Variants in CORO2A observed in about 807,000 individuals in gnomAD.
CORO2A encodes coronin-2A.
In CORO2A, 47 loss-of-function variants were observed where a neutral mutation model predicts 62.4. That is an observed-to-expected ratio of 0.75 (90% CI 0.60 to 0.96). The LOEUF is 0.96. CORO2A is among the 40% of genes least tolerant of loss of function. CORO2A has a pLI of 0.00. For missense variants in CORO2A, 610 were observed against 684.1 expected (o/e 0.89, Z 1.21); for synonymous variants, 273 against 268.9 (o/e 1.02, Z -0.15).
chr9:98,153,154 C>T (rs910057848), intron 2 of CORO2A, among the ~76,000 whole-genome samples: 1 of 152,180 alleles, frequency 6.6e-6, no homozygotes, highest in African/African-American at 2.4e-5. Flanking sequence ...GGCTGGAGTG[C>T]AGTGGCACGA....
intron 2 of CORO2A, among the ~76,000 whole-genome samples, chr9:98,141,902 A>G (rs1185430551): frequency 6.6e-6 from 1 of 152,094 alleles, no homozygotes; most frequent in African/African-American, 2.4e-5. Context: ...AGCTACTATT[A>G]TATGTATATG....
intron 10 of CORO2A, 200 bp from the exon 11 acceptor site, chr9:98,127,023 C>T (rs945624777): frequency 1.6e-6 from 1 of 619,646 alleles, no homozygotes; most frequent in Middle Eastern, 2.7e-4. Flanking sequence ...CGTGTGCCAC[C>T]CTCAGAGTGA....
At chr9:98,155,567 G>A (rs1385377245) in intron 2 of CORO2A, among the ~76,000 whole-genome samples, 1 of 151,772 alleles carries the variant, frequency 6.6e-6, no homozygotes, top group African/African-American at 2.4e-5. Context: ...GGCTGGTCTC[G>A]AACTCCTGAC....
Position 98,128,851 on chromosome 9 carries a change from C to A in CORO2A, c.968-132G>T, listed in dbSNP as rs1456614290. On this transcript the variant is annotated intron_variant, in intron 8 of 11. Transcript: ENST00000375077. ...CCAGAAAACAGCTCAGGGACAAATA[C>A]CGACACTGGGCTGGGCCCTATGTTG... The A allele has an allele frequency of 2.7e-5, 18 of 668,172 alleles. No homozygotes were observed. In the East Asian group the frequency reaches 4.1e-4, roughly 15 times the overall value. 41.4% of individuals were successfully genotyped at this position (668,172 alleles called of 1,614,324 possible).
At chr9:98,165,037 G>A (rs908660066) in intron 1 of CORO2A, among the ~76,000 whole-genome samples, 8 of 152,070 alleles carry the variant, frequency 5.3e-5, no homozygotes, top group Admixed American at 2.0e-4. Flanking sequence ...GGCGTGATCA[G>A]TGCTCTCTGC....
chr9:98,189,889 T>TTA (rs200053517), intron 1 of CORO2A, among the ~76,000 whole-genome samples: 3,106 of 83,168 alleles, frequency 0.037, 99 homozygotes, highest in African/African-American at 0.13. Flanking sequence ...ACTCCTTTAT[T>TTA]TTTTTTTTTT....
chr9:98,165,625 G>A (rs537301541), intron 1 of CORO2A, among the ~76,000 whole-genome samples: 3 of 152,306 alleles, frequency 2.0e-5, no homozygotes, highest in South Asian at 2.1e-4. Flanking sequence ...TAACATGCAG[G>A]GCAGTGGCTT....
At chr9:98,140,871 C>A (rs1827555500) in intron 2 of CORO2A, among the ~76,000 whole-genome samples, 3 of 152,192 alleles carry the variant, frequency 2.0e-5, no homozygotes, top group Admixed American at 6.5e-5. Flanking sequence ...TAGACTGGAT[C>A]CCCTACTGGA....
chr9:98,142,099 T>C (rs1827576237), intron 2 of CORO2A, among the ~76,000 whole-genome samples: 1 of 152,202 alleles, frequency 6.6e-6, no homozygotes. Context: ...TCTGAAAAAA[T>C]GGGTCCATCC....
intron 1 of CORO2A, among the ~76,000 whole-genome samples, chr9:98,173,075 T>C (rs1012410799): frequency 6.6e-6 from 1 of 152,072 alleles, no homozygotes; most frequent in African/African-American, 2.4e-5. Context: ...GAGGCCGAGG[T>C]GGGAGGATCG....
chr9:98,135,312 A>C (rs1827470869), intron 3 of CORO2A, among the ~76,000 whole-genome samples: 1 of 152,192 alleles, frequency 6.6e-6, no homozygotes, highest in Non-Finnish European at 1.5e-5. Context: ...CCCAAAGTAC[A>C]GTGTTCTTCT....
At chr9:98,139,994 G>C (rs1297922252) in intron 2 of CORO2A, among the ~76,000 whole-genome samples, 1 of 152,042 alleles carries the variant, frequency 6.6e-6, no homozygotes, top group Non-Finnish European at 1.5e-5. Context: ...ATTTCTTGGG[G>C]TCATAGAGAA....
intron 2 of CORO2A, among the ~76,000 whole-genome samples, chr9:98,152,133 T>TG (rs1249726804): frequency 6.7e-6 from 1 of 149,806 alleles, no homozygotes; most frequent in Non-Finnish European, 1.5e-5. Context: ...GCTGTTTTTT[T>TG]TTTTTGTTTT....
At chr9:98,183,793 C>A (rs1828205391) in intron 1 of CORO2A, among the ~76,000 whole-genome samples, 1 of 152,152 alleles carries the variant, frequency 6.6e-6, no homozygotes, top group African/African-American at 2.4e-5. Flanking sequence ...AACCCCATCT[C>A]TACTAAAAAT....
At chr9:98,138,000 C>T (rs1439027160) in intron 2 of CORO2A, among the ~76,000 whole-genome samples, 2 of 152,232 alleles carry the variant, frequency 1.3e-5, no homozygotes, top group Non-Finnish European at 2.9e-5. Flanking sequence ...TTTCCCCTCA[C>T]ACACTGCTGG....
At chr9:98,131,506 TG>T (rs1827408750) in intron 6 of CORO2A, among the ~76,000 whole-genome samples, 1 of 151,914 alleles carries the variant, frequency 6.6e-6, no homozygotes. Context: ...TTTGCAGAGA[TG>T]GGGGTCCTGC....
In CORO2A at chr9:98,157,633, A is replaced by G. The variant is rs1261100425; in HGVS notation, c.28T>C (p.Ser10Pro). MSWHPQYRS[S>P]KFRHVFGKPA... is the part of the protein sequence containing the mutation. ...TTGCCAAAGACATGACGGAACTTGG[A>G]GCTCCGGTACTGGGGGTGCCATGAC... Residue 10 changes from serine (S) to proline (P), a missense_variant, in exon 2 of 12, where the codon TCC becomes CCC. By Grantham distance (74) the Ser-to-Pro change is moderately conservative. Transcript: ENST00000375077. 1 of 1,613,764 alleles carries G rather than the reference A, an allele frequency of 6.2e-7. No individual in the cohort carries two copies. Among genetic ancestry groups the G allele is most frequent in the Non-Finnish European group, 8.5e-7 (1 of 1,179,802 alleles).
At chr9:98,142,784 G>C (rs1477127255) in intron 2 of CORO2A, among the ~76,000 whole-genome samples, 1 of 151,642 alleles carries the variant, frequency 6.6e-6, no homozygotes, top group Non-Finnish European at 1.5e-5. Flanking sequence ...ATGAGGGAAG[G>C]CTGCCCACTC....
chr9:98,147,462 C>T (rs1827656729), intron 2 of CORO2A, among the ~76,000 whole-genome samples: 1 of 152,140 alleles, frequency 6.6e-6, no homozygotes, highest in Admixed American at 6.6e-5. Context: ...GAAAGTTCAT[C>T]ATATTATTTT....
Sources: allele counts gnomAD v4.1 joint callset (sites outside exome capture counted in the v4.1 genomes callset), GRCh38; gene constraint gnomAD v4.1.1; transcripts MANE v1.5; gene names NCBI Gene and HGNC (gene_info 2026-07-23, HGNC 2026-07-21).